Variants in DDX10 observed in about 807,000 individuals in gnomAD.
DDX10 encodes the protein probable ATP-dependent RNA helicase DDX10.
In DDX10, 74 loss-of-function variants were observed where a neutral mutation model predicts 104.3. The observed-to-expected ratio is 0.71, with a 90% CI of 0.59 to 0.86. DDX10 has a LOEUF of 0.86. Ranked by LOEUF, DDX10 falls within the 40% of genes least tolerant of loss-of-function variation. The probability of loss-of-function intolerance (pLI) is 0.00; values close to 1 mark genes in which losing one functional copy is unlikely to be tolerated. For missense variants in DDX10, 952 were observed against 1,040.0 expected (o/e 0.92, Z 1.16); for synonymous variants, 351 against 353.4 (o/e 0.99, Z 0.08).
chr11:108,762,086 G>C (rs775984600), intron 13 of DDX10, among the ~76,000 whole-genome samples: 1 of 152,044 alleles, frequency 6.6e-6, no homozygotes, highest in Non-Finnish European at 1.5e-5. Flanking sequence ...GCTGACAGGA[G>C]GAGGTTGAAC....
intron 13 of DDX10, among the ~76,000 whole-genome samples, chr11:108,739,283 C>G (rs2094322222): frequency 6.6e-6 from 1 of 152,158 alleles, no homozygotes; most frequent in South Asian, 2.1e-4. Flanking sequence ...AAATGATGAA[C>G]ATGAATTCCA....
In DDX10 at chr11:108,723,325, A is replaced by G. The variant is rs780965923; in HGVS notation, c.1828A>G (p.Thr610Ala). The stretch of plus-strand genomic sequence containing the variant: ...ATCTCAAGCCCCATCTCTTCCTAAC[A>G]CCAGTGAGGCACAGAAGATCAAGGA... ...KGSQAPSLPNTSEAQKIKEVP... is the reference protein window; with the variant it reads ...KGSQAPSLPNASEAQKIKEVP... Residue 610 changes from threonine to alanine, a missense_variant, in exon 13 of 18, where the codon ACC (threonine) becomes GCC (alanine). Physicochemically the swap from Thr to Ala is moderately conservative, Grantham distance 58. This residue lies in a region of DDX10 where 533 missense variants were observed against 534.1 expected (regional missense o/e 1.00). Transcript: ENST00000322536. 8.1e-6 allele frequency: 13 copies of G among 1,613,994 alleles called. No homozygotes were observed. The highest frequency in any genetic ancestry group is 1.1e-5 in the Non-Finnish European group (13 of 1,179,938).
At chr11:108,821,031 G>A (rs2134577421) in intron 13 of DDX10, among the ~76,000 whole-genome samples, 1 of 152,244 alleles carries the variant, frequency 6.6e-6, no homozygotes, top group Admixed American at 6.5e-5. Flanking sequence ...ATTTGTTTAA[G>A]CGTGATGTAT....
chr11:108,760,114 T>A lies in DDX10; in HGVS notation c.1965+36652T>A, dbSNP rs771855094. 1.4e-4 allele frequency among the ~76,000 whole-genome samples: 21 copies of A among 152,082 alleles called. No individual in the cohort carries two copies. The South Asian group carries it at 1.5e-3, about 11-fold the overall frequency. ...TCTCATTTTCTTTGAATTTGGAACA[T>A]TCACTTACATCTTTTCCTTTTTGTG... On this transcript the variant is annotated intron_variant, in intron 13 of 17. Transcript: ENST00000322536.
chr11:108,744,122 T>C (rs1181449177), intron 13 of DDX10, among the ~76,000 whole-genome samples: 1 of 152,166 alleles, frequency 6.6e-6, no homozygotes, highest in Non-Finnish European at 1.5e-5. Flanking sequence ...CTACGACTCA[T>C]TTATACTTAT....
chr11:108,765,240 G>A (rs1225308644), intron 13 of DDX10, among the ~76,000 whole-genome samples: 1 of 152,146 alleles, frequency 6.6e-6, no homozygotes, highest in Non-Finnish European at 1.5e-5. Flanking sequence ...CACAGCAGTG[G>A]TAGTGGGGCT....
intron 16 of DDX10, among the ~76,000 whole-genome samples, chr11:108,868,834 C>T (rs1320487744): frequency 2.0e-5 from 3 of 151,988 alleles, no homozygotes; most frequent in Non-Finnish European, 4.4e-5. Flanking sequence ...GAATAACTTT[C>T]ACGTATGTTA....
chr11:108,725,887 C>A (rs1004026883), intron 13 of DDX10, among the ~76,000 whole-genome samples: 1 of 151,906 alleles, frequency 6.6e-6, no homozygotes, highest in Admixed American at 6.6e-5. Flanking sequence ...CCTATGTTCT[C>A]GTCCAGAGGT....
intron 16 of DDX10, among the ~76,000 whole-genome samples, chr11:108,899,967 G>C (rs183393750): frequency 6.6e-6 from 1 of 152,246 alleles, no homozygotes; most frequent in African/African-American, 2.4e-5. Flanking sequence ...CAAAAAATTA[G>C]CTGGGCATGG....
At chr11:108,838,291 A>G in intron 13 of DDX10, 155 bp from the exon 14 acceptor site, 1 of 751,078 alleles carries the variant, frequency 1.3e-6, no homozygotes. Context: ...TAATAAGTCA[A>G]ATAATGTTAT....
chr11:108,740,185 C>A (rs1297999326), intron 13 of DDX10, among the ~76,000 whole-genome samples: 1 of 152,000 alleles, frequency 6.6e-6, no homozygotes, highest in East Asian at 1.9e-4. Context: ...GCCTTCAGAT[C>A]CATATGTACT....
At chr11:108,738,669 G>C (rs34746018) in intron 13 of DDX10, among the ~76,000 whole-genome samples, 10,090 of 152,086 alleles carry the variant, frequency 0.066, 380 homozygotes, top group Middle Eastern at 0.13. Flanking sequence ...CATTAGCTCT[G>C]TTTTATGACA....
At chr11:108,882,594 G>A (rs1863241817) in intron 16 of DDX10, among the ~76,000 whole-genome samples, 1 of 152,192 alleles carries the variant, frequency 6.6e-6, no homozygotes, top group South Asian at 2.1e-4. Flanking sequence ...CCTCTATTGT[G>A]TAGATAATAA....
intron 13 of DDX10, among the ~76,000 whole-genome samples, chr11:108,790,128 C>A (rs144721635): frequency 2.4e-3 from 373 of 152,260 alleles, no homozygotes; most frequent in African/African-American, 8.3e-3. Flanking sequence ...TAAATCAGTT[C>A]TTTTAGCAAG....
intron 13 of DDX10, among the ~76,000 whole-genome samples, chr11:108,810,067 G>A (rs975332186): frequency 1.3e-5 from 2 of 152,156 alleles, no homozygotes; most frequent in African/African-American, 4.8e-5. Flanking sequence ...TGTTCTTCAT[G>A]TGGAAAGTAC....
At chr11:108,752,610 C>A (rs1202816497) in intron 13 of DDX10, among the ~76,000 whole-genome samples, 1 of 152,076 alleles carries the variant, frequency 6.6e-6, no homozygotes, top group African/African-American at 2.4e-5. Flanking sequence ...TCAGTTGGAA[C>A]AATTTTGTTG....
At chr11:108,800,868 G>A (rs969822775) in intron 13 of DDX10, among the ~76,000 whole-genome samples, 3 of 152,130 alleles carry the variant, frequency 2.0e-5, no homozygotes, top group African/African-American at 7.2e-5. Flanking sequence ...ACAAATGATT[G>A]CTTGCCCAGG....
chr11:108,817,894 G>T (rs1862276265), intron 13 of DDX10, among the ~76,000 whole-genome samples: 1 of 152,154 alleles, frequency 6.6e-6, no homozygotes, highest in Non-Finnish European at 1.5e-5. Flanking sequence ...TCTTGACTGT[G>T]AAAACAAAAA....
At chr11:108,847,733 G>C (rs1862738360) in intron 15 of DDX10, among the ~76,000 whole-genome samples, 1 of 152,190 alleles carries the variant, frequency 6.6e-6, no homozygotes, top group South Asian at 2.1e-4. Context: ...GTAGCCACAA[G>C]AATATTAACA....
Sources: allele counts gnomAD v4.1 joint callset (sites outside exome capture counted in the v4.1 genomes callset), GRCh38; gene constraint gnomAD v4.1.1; regional missense constraint gnomAD v4.1.1; transcripts MANE v1.5; gene names NCBI Gene and HGNC (gene_info 2026-07-23, HGNC 2026-07-21).